Variants in EIF4G3 observed in about 807,000 individuals in gnomAD.
EIF4G3 encodes the protein eIF-4-gamma 3.
A neutral mutation model predicts 186.4 loss-of-function variants in EIF4G3; 34 were observed. The ratio of observed to expected loss-of-function variants is 0.18; its 90% confidence interval spans 0.14 to 0.24. The LOEUF is 0.24. Ranked by LOEUF, EIF4G3 falls within the 10% of genes least tolerant of loss-of-function variation. The pLI, the probability that EIF4G3 is intolerant of heterozygous loss-of-function variation, is 1.00. For missense variants in EIF4G3, 1,536 were observed against 1,948.5 expected, an observed-to-expected ratio of 0.79 and a Z score of 3.99; for synonymous variants, 673 against 679.5, an observed-to-expected ratio of 0.99 and a Z score of 0.15.
intron 2 of EIF4G3, among the ~76,000 whole-genome samples, chr1:21,107,756 G>A (rs1398821725): frequency 1.3e-5 from 2 of 152,078 alleles, no homozygotes; most frequent in African/African-American, 4.8e-5. Context: ...ATGGCTCACT[G>A]CAGCCTCAAC....
At chr1:21,093,743 C>T (rs1034689486) in intron 2 of EIF4G3, among the ~76,000 whole-genome samples, 4 of 152,090 alleles carry the variant, frequency 2.6e-5, no homozygotes, top group Non-Finnish European at 5.9e-5. Context: ...AAATGTGGCA[C>T]ATAATATACA....
Position 20,810,640 on chromosome 1 carries a change from T to A in EIF4G3, c.4744+98A>T. Reference sequence around the variant, plus strand: ...ATGAGTTTGTGTTATTAGTGATTCTTTTATTGTCCTTTGTTCGAACCCTAA... The same window carrying A: ...ATGAGTTTGTGTTATTAGTGATTCTATTATTGTCCTTTGTTCGAACCCTAA... On this transcript the variant is annotated intron_variant, in intron 36 of 36. Transcript: ENST00000602326. This position sits in a 1 kb window ranked among gnomAD's most constrained non-coding sequence, Gnocchi z 4.1. 2 of 1,373,556 alleles carry A rather than the reference T, an allele frequency of 1.5e-6. No individual in the cohort carries two copies. Among genetic ancestry groups the A allele is most frequent in the Non-Finnish European group, 2.0e-6 (2 of 989,972 alleles). 85.1% of individuals were successfully genotyped at this position (1,373,556 alleles called of 1,614,324 possible). A position where few individuals can be genotyped will look rare whatever the true frequency, so the allele number is the denominator to read the frequency against.
chr1:21,051,136 A>C, intron 3 of EIF4G3, 142 bp from the exon 4 acceptor site: 1 of 566,912 alleles, frequency 1.8e-6, no homozygotes, highest in Non-Finnish European at 3.1e-6. Flanking sequence ...AAACACTTAA[A>C]ATTTTTAAAA....
At chr1:20,989,550 T>A in intron 7 of EIF4G3, among the ~76,000 whole-genome samples, 1 of 42,052 alleles carries the variant, frequency 2.4e-5, no homozygotes. Flanking sequence ...AGAGCAAAAC[T>A]CCAACTCAAA....
At chr1:21,091,489 G>A (rs1012155680) in intron 2 of EIF4G3, among the ~76,000 whole-genome samples, 2 of 151,842 alleles carry the variant, frequency 1.3e-5, no homozygotes. Flanking sequence ...CATTACTTCT[G>A]AACCACACGA....
intron 14 of EIF4G3, among the ~76,000 whole-genome samples, chr1:20,919,749 A>G (rs1307391696): frequency 6.6e-6 from 1 of 152,148 alleles, no homozygotes; most frequent in Non-Finnish European, 1.5e-5. Context: ...ATTTTACTCT[A>G]GCTATGAATT....
chr1:21,166,445 C>G (rs1164890472), intron 2 of EIF4G3, among the ~76,000 whole-genome samples: 1 of 152,026 alleles, frequency 6.6e-6, no homozygotes, highest in African/African-American at 2.4e-5. Context: ...AATGAATAAG[C>G]TGGGCGCAGT....
chr1:20,902,563 GA>G (rs1462709156), intron 15 of EIF4G3, among the ~76,000 whole-genome samples: 1 of 152,084 alleles, frequency 6.6e-6, no homozygotes, highest in African/African-American at 2.4e-5. Flanking sequence ...AGGAAAGACA[GA>G]AAAAAGGATT....
Position 20,941,919 on chromosome 1 carries a change from A to G in EIF4G3, c.1235T>C (p.Ile412Thr), listed in dbSNP as rs762500308. ...DIPLVSSTNL[I>T]NEINGVSEKL... ...TTCGCTAACTCCATTTATTTCATTA[A>G]TTAGGTTAGTACTAGAAACCAGTGG... The change falls in exon 14 of 37, where the codon ATT becomes ACT. Residue 412 changes from isoleucine (I) to threonine (T), a missense_variant. Ile to Thr is a moderately conservative substitution (Grantham distance 89). This residue lies in a region of EIF4G3 where 560 missense variants were observed against 547.8 expected (regional missense o/e 1.02). Transcript: ENST00000602326. 1 of 1,614,052 alleles carries G rather than the reference A, an allele frequency of 6.2e-7. No homozygotes were observed. Among genetic ancestry groups the G allele is most frequent in the Non-Finnish European group, 8.5e-7 (1 of 1,180,040 alleles).
chr1:20,876,618 A>C (rs1353346769), intron 20 of EIF4G3, among the ~76,000 whole-genome samples: 1 of 152,152 alleles, frequency 6.6e-6, no homozygotes, highest in Non-Finnish European at 1.5e-5. Flanking sequence ...AGGAAGATTA[A>C]CTGGCTGGGG....
At chr1:21,135,641 G>A (rs531457952) in intron 2 of EIF4G3, among the ~76,000 whole-genome samples, 2 of 152,360 alleles carry the variant, frequency 1.3e-5, no homozygotes, top group Admixed American at 1.3e-4. Flanking sequence ...CCATGTGTCA[G>A]TATTTAATAA....
intron 2 of EIF4G3, among the ~76,000 whole-genome samples, chr1:21,133,688 T>C (rs146400034): frequency 9.2e-5 from 14 of 152,332 alleles, no homozygotes; most frequent in Non-Finnish European, 1.5e-4. Context: ...ATTCCACTCA[T>C]TGACACTATC....
intron 10 of EIF4G3, among the ~76,000 whole-genome samples, chr1:20,980,112 G>T (rs1333416324): frequency 6.6e-6 from 1 of 151,990 alleles, no homozygotes; most frequent in East Asian, 1.9e-4. Context: ...AAGGCAGGAT[G>T]ATCACTTGAG....
chr1:21,176,293 G>A lies in EIF4G3; in HGVS notation c.-390C>T, dbSNP rs1417718310. ...GCTGCCGCCGCCGGGTGAGGAGGCG[G>A]TACCGCTGCTGCCGCCGCCGCCGCC... On this transcript the variant is annotated 5_prime_UTR_variant, in exon 2 of 37. Coordinates refer to ENST00000602326, the MANE Select transcript of EIF4G3 (RefSeq NM_001391906.1). 14 of 311,450 alleles carry A rather than the reference G, an allele frequency of 4.5e-5. No individual in the cohort carries two copies. Among genetic ancestry groups the A allele is most frequent in the East Asian group, 1.1e-4 (2 of 17,446 alleles). The allele number at this position is 311,450 out of a possible 1,614,324, so 19.3% of individuals were successfully genotyped here. A position where few individuals can be genotyped will look rare whatever the true frequency, so the allele number is the denominator to read the frequency against.
chr1:20,902,477 G>C (rs924487127), intron 15 of EIF4G3, among the ~76,000 whole-genome samples: 1 of 152,096 alleles, frequency 6.6e-6, no homozygotes, highest in East Asian at 1.9e-4. Context: ...ATCTAAGAAA[G>C]GGGGAGCCTG....
chr1:21,052,119 A>G (rs2094254278), intron 3 of EIF4G3, among the ~76,000 whole-genome samples: 1 of 152,236 alleles, frequency 6.6e-6, no homozygotes, highest in Non-Finnish European at 1.5e-5. Context: ...ATACAACTGA[A>G]AAATAATCAG....
chr1:20,943,992 G>T lies in EIF4G3; in HGVS notation c.824-1662C>A, dbSNP rs1202651079. On this transcript the variant is annotated intron_variant, in intron 13 of 36. Transcript: ENST00000602326. ...ATTTTTTTTGTGTGTGTGTGTGTGT[G>T]TGTGTGTGTGTGTGTGTGTGTGTGT... 4.5e-4 allele frequency among the ~76,000 whole-genome samples: 59 copies of T among 131,516 alleles called. 1 individual carries two copies. The highest frequency in any genetic ancestry group is 1.6e-3 in the African/African-American group (55 of 35,424). 86.3% of individuals were successfully genotyped at this position (131,516 alleles called of 152,430 possible). A position where few individuals can be genotyped will look rare whatever the true frequency, so the allele number is the denominator to read the frequency against.
intron 36 of EIF4G3, among the ~76,000 whole-genome samples, chr1:20,808,120 G>T (rs1051692530): frequency 1.3e-4 from 19 of 151,824 alleles, no homozygotes; most frequent in African/African-American, 4.6e-4. Context: ...CTGACCTCAG[G>T]TGATCCGCTC....
intron 2 of EIF4G3, among the ~76,000 whole-genome samples, chr1:21,100,668 G>A (rs911023846): frequency 6.6e-6 from 1 of 152,116 alleles, no homozygotes; most frequent in Non-Finnish European, 1.5e-5. Context: ...GTTCAAGGCT[G>A]AAATGCACTA....
Sources: gnomAD v4.1 joint callset for allele counts (sites outside exome capture counted in the v4.1 genomes callset) on GRCh38, gnomAD v4.1.1 for gene constraint, gnomAD v4.1.1 regional missense constraint, Gnocchi (gnomAD v3.1) non-coding constraint, MANE v1.5 for transcripts, NCBI Gene and HGNC (gene_info 2026-07-23, HGNC 2026-07-21) for gene names.